The following FAM227B variants were observed in gnomAD, a reference collection of about 807,000 sequenced individuals.
FAM227B encodes family with sequence similarity 227 member B.
In FAM227B, 88 loss-of-function variants were observed where a neutral mutation model predicts 73.8. That is an observed-to-expected ratio of 1.19 (90% CI 1.00 to 1.42). FAM227B has a LOEUF of 1.42. Ranked by LOEUF, FAM227B falls within the 40% of genes most tolerant of loss-of-function variation. The pLI, the probability that FAM227B is intolerant of heterozygous loss-of-function variation, is 0.00. For synonymous variants in FAM227B, 210 were observed against 190.5 expected (o/e 1.10, Z -0.84); for missense variants, 632 against 590.9 (o/e 1.07, Z -0.72).
chr15:49,366,787 T>G, intron 13 of FAM227B: 1 of 594,596 alleles, frequency 1.7e-6, no homozygotes, highest in Non-Finnish European at 2.9e-6. Context: ...GCGGCCGGGC[T>G]AGGCTGGGAT....
At chr15:49,473,359 A>G (rs567008768) in intron 11 of FAM227B, among the ~76,000 whole-genome samples, 1 of 152,300 alleles carries the variant, frequency 6.6e-6, no homozygotes, top group African/African-American at 2.4e-5. Flanking sequence ...TATAAAGAAC[A>G]TTGAGTTAAA....
At chr15:49,466,449 G>A (rs1271119604) in intron 11 of FAM227B, among the ~76,000 whole-genome samples, 1 of 152,144 alleles carries the variant, frequency 6.6e-6, no homozygotes, top group African/African-American at 2.4e-5. Flanking sequence ...AGAAAAATGG[G>A]AGAAAATTAT....
intron 11 of FAM227B, among the ~76,000 whole-genome samples, chr15:49,374,631 C>T (rs1246663639): frequency 6.6e-6 from 1 of 152,174 alleles, no homozygotes; most frequent in African/African-American, 2.4e-5. Flanking sequence ...CTAGGCTCCG[C>T]CTCCCAGGTT....
chr15:49,337,966 C>T (rs1385080657), intron 13 of FAM227B, among the ~76,000 whole-genome samples: 2 of 152,126 alleles, frequency 1.3e-5, no homozygotes, highest in African/African-American at 2.4e-5. Context: ...AATAAACATA[C>T]GTGTGCATGT....
At position 49,615,236 on chromosome 15, in the gene FAM227B, C is replaced by A. The variant is rs768323058; in HGVS notation, c.-65G>T. On this transcript the variant is annotated 5_prime_UTR_variant, in exon 2 of 16. Coordinates refer to ENST00000299338, the MANE Select transcript of FAM227B (RefSeq NM_152647.3). Reference sequence around the variant, plus strand: ...GTCTTAGGCTTCAATGTGAGTTGGGCGACCAAACTGGGGTATGAAAGACAC... The same window carrying A: ...GTCTTAGGCTTCAATGTGAGTTGGGAGACCAAACTGGGGTATGAAAGACAC... 82 of 1,425,932 alleles carry A rather than the reference C, an allele frequency of 5.8e-5. No homozygotes were observed. In the East Asian group the frequency reaches 1.5e-3, roughly 25 times the overall value. The allele number at this position is 1,425,932 out of a possible 1,614,324, so 88.3% of individuals were successfully genotyped here.
At chr15:49,412,489 A>G (rs1418092032) in intron 11 of FAM227B, among the ~76,000 whole-genome samples, 2 of 151,966 alleles carry the variant, frequency 1.3e-5, no homozygotes, top group African/African-American at 4.8e-5. Context: ...AAATATCAAC[A>G]CTGTTATTCT....
At chr15:49,495,803 A>G (rs1178613303) in intron 11 of FAM227B, among the ~76,000 whole-genome samples, 1 of 152,106 alleles carries the variant, frequency 6.6e-6, no homozygotes, top group Non-Finnish European at 1.5e-5. Flanking sequence ...TGGGCAAATC[A>G]CTTGAGGTCA....
chr15:49,383,779 A>T (rs1019905189), intron 11 of FAM227B, among the ~76,000 whole-genome samples: 5 of 152,100 alleles, frequency 3.3e-5, no homozygotes, highest in Non-Finnish European at 2.9e-5. Context: ...CCAGAAACTA[A>T]AGCAATCAAA....
intron 9 of FAM227B, among the ~76,000 whole-genome samples, chr15:49,545,211 C>T (rs186758920): frequency 7.3e-4 from 111 of 152,202 alleles, no homozygotes; most frequent in Middle Eastern, 6.8e-3. Context: ...TCTATTTCTT[C>T]CTGATATAAC....
At chr15:49,397,495 G>C (rs925657177) in intron 11 of FAM227B, among the ~76,000 whole-genome samples, 16 of 151,900 alleles carry the variant, frequency 1.1e-4, no homozygotes, top group African/African-American at 3.4e-4. Context: ...GAAATACAGA[G>C]AACACCACAA....
chr15:49,411,369 A>G (rs2048863432), intron 11 of FAM227B, among the ~76,000 whole-genome samples: 1 of 152,124 alleles, frequency 6.6e-6, no homozygotes, highest in African/African-American at 2.4e-5. Flanking sequence ...TGCTAAAATA[A>G]TCCAAAAATT....
intron 12 of FAM227B, chr15:49,367,949 T>C (rs1205324134): frequency 6.4e-6 from 1 of 156,026 alleles, no homozygotes; most frequent in Non-Finnish European, 1.4e-5. Flanking sequence ...TGGTCTCAAT[T>C]TTCAAAATTT....
chr15:49,403,985 C>T (rs1392357861), intron 11 of FAM227B, among the ~76,000 whole-genome samples: 2 of 152,122 alleles, frequency 1.3e-5, no homozygotes, highest in African/African-American at 4.8e-5. Context: ...TTTCAAAGAA[C>T]TTCTTAATTT....
At chr15:49,502,179 C>A in intron 11 of FAM227B, among the ~76,000 whole-genome samples, 1 of 152,198 alleles carries the variant, frequency 6.6e-6, no homozygotes, top group Non-Finnish European at 1.5e-5. Flanking sequence ...ATAAGAGCCC[C>A]CACACAGAGT....
chr15:49,439,485 T>C (rs1458873198), intron 11 of FAM227B, among the ~76,000 whole-genome samples: 9 of 151,780 alleles, frequency 5.9e-5, no homozygotes, highest in Non-Finnish European at 7.4e-5. Flanking sequence ...TTAGGGATCA[T>C]TGGGGCCAAA....
intron 11 of FAM227B, among the ~76,000 whole-genome samples, chr15:49,389,664 T>G (rs1332162237): frequency 6.6e-6 from 1 of 151,924 alleles, no homozygotes; most frequent in African/African-American, 2.4e-5. Flanking sequence ...AAAAAAGTAT[T>G]GTTATTAATA....
intron 11 of FAM227B, among the ~76,000 whole-genome samples, chr15:49,474,345 T>C (rs1417831858): frequency 6.6e-6 from 1 of 152,192 alleles, no homozygotes; most frequent in East Asian, 1.9e-4. Context: ...CAAGGGCTGT[T>C]ATGTGGAAAT....
chr15:49,431,353 G>A (rs1427574569), intron 11 of FAM227B, among the ~76,000 whole-genome samples: 1 of 151,786 alleles, frequency 6.6e-6, no homozygotes, highest in Non-Finnish European at 1.5e-5. Flanking sequence ...CTTTAGTAGA[G>A]AAGTCGTGTC....
intron 11 of FAM227B, among the ~76,000 whole-genome samples, chr15:49,454,827 T>C (rs2053124433): frequency 6.6e-6 from 1 of 152,104 alleles, no homozygotes; most frequent in Non-Finnish European, 1.5e-5. Context: ...GCCAGGATGG[T>C]CTCGATCTCC....
Sources: gnomAD v4.1 joint callset for allele counts (sites outside exome capture counted in the v4.1 genomes callset) on GRCh38, gnomAD v4.1.1 for gene constraint, MANE v1.5 for transcripts, NCBI Gene and HGNC (gene_info 2026-07-23, HGNC 2026-07-21) for gene names.